ESF1: variants seen among roughly 807,000 people sequenced by gnomAD.
ESF1 encodes the protein ESF1 nucleolar pre-rRNA processing protein, also known as ESF1 homolog.
A neutral mutation model predicts 92.0 loss-of-function variants in ESF1; 58 were observed. That is an observed-to-expected ratio of 0.63 (90% confidence interval 0.51 to 0.78). ESF1 has a LOEUF of 0.78. Among genes scored for constraint, ESF1 ranks in the 30% least tolerant of loss-of-function variants. ESF1 has a pLI of 0.00. For missense variants in ESF1, 922 were observed against 989.1 expected (o/e 0.93, Z 0.91); for synonymous variants, 321 against 313.7 (o/e 1.02, Z -0.24).
intron 5 of ESF1, 31 bp downstream of exon 5, chr20:13,772,484 T>C (rs1979732635): frequency 6.9e-7 from 1 of 1,456,790 alleles, no homozygotes; most frequent in African/African-American, 1.4e-5. Context: ...ATTTATGAGG[T>C]TTAGTTTTAT....
intron 2 of ESF1, among the ~76,000 whole-genome samples, chr20:13,776,905 T>C (rs1568729813): frequency 6.6e-6 from 1 of 152,218 alleles, no homozygotes; most frequent in African/African-American, 2.4e-5. Context: ...AGATCACAGA[T>C]AGCACAGAAT....
chr20:13,755,217 A>G (rs576970686), intron 9 of ESF1, among the ~76,000 whole-genome samples: 10 of 152,324 alleles, frequency 6.6e-5, no homozygotes, highest in African/African-American at 2.4e-4. Flanking sequence ...TGCTGAGTAG[A>G]AAAAAGACCA....
At chr20:13,715,753 T>G (rs1395244230) in intron 13 of ESF1, among the ~76,000 whole-genome samples, 1 of 152,156 alleles carries the variant, frequency 6.6e-6, no homozygotes, top group African/African-American at 2.4e-5. Flanking sequence ...TGGTTCCATG[T>G]TTAAGAATAT....
At chr20:13,737,588 T>C (rs116949358) in intron 9 of ESF1, among the ~76,000 whole-genome samples, 1 of 152,140 alleles carries the variant, frequency 6.6e-6, no homozygotes, top group Admixed American at 6.5e-5. Flanking sequence ...ATTCCAAAAG[T>C]AGCTTTTAAA....
chr20:13,719,618 A>G (rs1317654315), intron 11 of ESF1, among the ~76,000 whole-genome samples: 1 of 152,180 alleles, frequency 6.6e-6, no homozygotes, highest in Admixed American at 6.5e-5. Flanking sequence ...CTCATAATAC[A>G]TAAGAAAATA....
chr20:13,717,930 C>T (rs1387488916), intron 12 of ESF1, among the ~76,000 whole-genome samples: 3 of 148,228 alleles, frequency 2.0e-5, no homozygotes, highest in African/African-American at 7.4e-5. Flanking sequence ...AAATGTGTAA[C>T]TTTTAACAAG....
intron 11 of ESF1, among the ~76,000 whole-genome samples, chr20:13,727,169 A>C (rs192926873): frequency 6.6e-5 from 10 of 152,340 alleles, no homozygotes; most frequent in Admixed American, 2.6e-4. Flanking sequence ...GAACAAGGAA[A>C]CTATAATGCT....
chr20:13,770,133 C>T lies in ESF1; in HGVS notation c.1404-112G>A, dbSNP rs915745274. Reference sequence around the variant, plus strand: ...ACATACACAAACTTTCTAAAAGACACACGTTTAAGAGACAATGTTAGACAT... The same window carrying T: ...ACATACACAAACTTTCTAAAAGACATACGTTTAAGAGACAATGTTAGACAT... On this transcript the variant is annotated intron_variant, in intron 6 of 13. Transcript: ENST00000617257. The T allele has an allele frequency of 8.1e-6, 5 of 617,608 alleles. No individual in the cohort carries two copies. In the South Asian group the frequency reaches 1.0e-4, roughly 13 times the overall value. The allele number at this position is 617,608 out of a possible 1,614,324, so 38.3% of individuals were successfully genotyped here.
At chr20:13,722,208 A>T (rs2049872850) in intron 11 of ESF1, among the ~76,000 whole-genome samples, 1 of 152,218 alleles carries the variant, frequency 6.6e-6, no homozygotes, top group Admixed American at 6.5e-5. Flanking sequence ...GAGTCTTAAA[A>T]ATAAACTTGA....
chr20:13,769,874 T>C (rs1200653262), intron 7 of ESF1, 33 bp downstream of exon 7: 1 of 1,305,236 alleles, frequency 7.7e-7, no homozygotes, highest in Non-Finnish European at 1.1e-6. Flanking sequence ...AGCAATAGAG[T>C]CCAGCTACAT....
At chr20:13,753,824 A>G (rs1978750278) in intron 9 of ESF1, among the ~76,000 whole-genome samples, 1 of 152,170 alleles carries the variant, frequency 6.6e-6, no homozygotes, top group Non-Finnish European at 1.5e-5. Context: ...TTTATGCCTG[A>G]GGTTGCAATT....
At chr20:13,733,621 G>A in intron 10 of ESF1, 100 bp downstream of exon 10, 1 of 1,263,086 alleles carries the variant, frequency 7.9e-7, no homozygotes, top group Non-Finnish European at 1.1e-6. Context: ...GCCTACTTCA[G>A]TGAGTGGTTA....
intron 11 of ESF1, among the ~76,000 whole-genome samples, chr20:13,721,260 G>A (rs1671124062): frequency 6.6e-6 from 1 of 152,172 alleles, no homozygotes; most frequent in South Asian, 2.1e-4. Context: ...ATAAACAGAA[G>A]GAAATTATTT....
chr20:13,750,179 G>T (rs1179911754), intron 9 of ESF1, among the ~76,000 whole-genome samples: 1 of 152,132 alleles, frequency 6.6e-6, no homozygotes, highest in African/African-American at 2.4e-5. Context: ...ATTAAATTTT[G>T]TATCAAACCA....
intron 8 of ESF1, among the ~76,000 whole-genome samples, chr20:13,760,757 G>C (rs915665739): frequency 6.7e-6 from 1 of 148,210 alleles, no homozygotes; most frequent in Non-Finnish European, 1.5e-5. Flanking sequence ...GGAGGGAGGT[G>C]GGGGGGTCAG....
chr20:13,760,283 C>T (rs911753805), intron 8 of ESF1, among the ~76,000 whole-genome samples: 2 of 150,670 alleles, frequency 1.3e-5, no homozygotes, highest in African/African-American at 2.5e-5. Flanking sequence ...CGTCTCTGCC[C>T]GGCCGTCATC....
intron 9 of ESF1, among the ~76,000 whole-genome samples, chr20:13,734,103 A>T (rs1406526517): frequency 2.0e-5 from 3 of 152,206 alleles, no homozygotes; most frequent in Non-Finnish European, 2.9e-5. Context: ...TAGCAACTTG[A>T]TACATGGTCA....
rs1980261706 is a variant in ESF1, at chr20:13,782,746, T to C, written c.395A>G (p.Asp132Gly). ...CATTTTTTTAATTCCTATAGAATTATCTAAATCAGTTTTATTTTCAGAACC... is the reference window on the plus strand; with the variant it reads ...CATTTTTTTAATTCCTATAGAATTACCTAAATCAGTTTTATTTTCAGAACC... ...HKGSENKTDL[D>G]NSIGIKKMKT... The change falls in exon 2 of 14, where the codon GAT becomes GGT. Residue 132 changes from aspartate (D) to glycine (G), a missense_variant. Physicochemically the swap from Asp to Gly is moderately conservative, Grantham distance 94 (BLOSUM62 -1). Coordinates refer to ENST00000617257, the MANE Select transcript of ESF1 (RefSeq NM_001276380.2). 2 of 1,595,636 alleles carry C rather than the reference T, an allele frequency of 1.3e-6. No homozygotes were observed. The highest frequency in any genetic ancestry group is 1.7e-6 in the Non-Finnish European group (2 of 1,174,826).
intron 11 of ESF1, among the ~76,000 whole-genome samples, chr20:13,723,218 C>T (rs2049879649): frequency 6.6e-6 from 1 of 152,148 alleles, no homozygotes; most frequent in East Asian, 1.9e-4. Flanking sequence ...GATGTGGTCT[C>T]AGTACTGACC....
Sources: allele counts gnomAD v4.1 joint callset (sites outside exome capture counted in the v4.1 genomes callset), GRCh38; gene constraint gnomAD v4.1.1; transcripts MANE v1.5; gene names NCBI Gene and HGNC (gene_info 2026-07-23, HGNC 2026-07-21).